Variants in ACHE observed in about 807,000 individuals in gnomAD.
ACHE encodes acetylcholinesterase.
A neutral mutation model predicts 53.9 loss-of-function variants in ACHE; 19 were observed. That is an observed-to-expected ratio of 0.35 (90% confidence interval 0.25 to 0.52). The LOEUF (loss-of-function observed/expected upper bound fraction) is 0.52, where lower values mean the gene tolerates loss of function less well. Ranked by LOEUF, ACHE falls within the 20% of genes least tolerant of loss-of-function variation. ACHE has a pLI of 0.95. For synonymous variants in ACHE, 392 were observed against 378.1 expected, an observed-to-expected ratio of 1.04 and a Z score of -0.43; for missense variants, 605 against 849.4, an observed-to-expected ratio of 0.71 and a Z score of 3.58.
At chr7:100,896,843 C>G (rs1322833509), upstream of ACHE, 6 of 196,998 alleles carry the variant, frequency 3.0e-5, no homozygotes, top group Admixed American at 1.2e-4. Context: ...AGGAGTTCAC[C>G]CGTGTGGACA....
chr7:100,893,103 G>C (rs1038640101), intron 2 of ACHE, 62 bp downstream of exon 2: 7 of 1,525,890 alleles, frequency 4.6e-6, no homozygotes, highest in Middle Eastern at 1.7e-4. Flanking sequence ...GGTCCCTGCA[G>C]GGAGGGGAGG....
chr7:100,893,456 C>T lies in ACHE; in HGVS notation c.777G>A (p.Gln259=). Residue 259 remains glutamine (Q), a synonymous_variant, in exon 2 of 5, where the codon CAG becomes CAA. Coordinates refer to ENST00000241069, the MANE Select transcript of ACHE (RefSeq NM_000665.5). ...CCCAGGGTCCATTGGGGGCACCGCT[C>T]TGCAGCACGGCCCTGTGGAACAGGC... ...SRGLFHRAVL[Q]SGAPNGPWAT... is the part of the protein sequence containing the mutation. The T allele has an allele frequency of 6.2e-7, 1 of 1,607,998 alleles. No homozygotes were observed. Among genetic ancestry groups the T allele is most frequent in the Non-Finnish European group, 8.5e-7 (1 of 1,179,538 alleles).
In ACHE at chr7:100,890,062, C is replaced by T; in HGVS notation, c.*152G>A. 3 of 910,964 alleles carry T rather than the reference C, an allele frequency of 3.3e-6. No homozygotes were observed. The highest frequency in any genetic ancestry group is 4.8e-6 in the Non-Finnish European group (3 of 618,820). 56.4% of individuals were successfully genotyped at this position (910,964 alleles called of 1,614,324 possible). ...GCGGGGGAGGGAGCTCAGCCTGAGA[C>T]ATGCAGAGGACCGGGAGCCCCGGGG... On this transcript the variant is annotated 3_prime_UTR_variant, in exon 5 of 5. Coordinates refer to ENST00000241069, the MANE Select transcript of ACHE (RefSeq NM_000665.5).
intron 4 of ACHE, 169 bp downstream of exon 4, chr7:100,891,000 G>T: frequency 1.4e-6 from 2 of 1,459,850 alleles, no homozygotes; most frequent in South Asian, 2.9e-5. Context: ...GGAGAAGCTG[G>T]TGGAGGAGGA....
rs1328972921 is a variant in ACHE, at chr7:100,892,244, G to A, written c.1553+90C>T. ...GTTCTATCCTGCCCCTGTCCCACCC[G>A]TCCTTTCTGTCTCCGTGTGTCTGCC... On this transcript the variant is annotated intron_variant, in intron 3 of 4. Coordinates refer to ENST00000241069, the MANE Select transcript of ACHE (RefSeq NM_000665.5). The surrounding 1 kb of genome is among the most constrained non-coding windows in gnomAD (Gnocchi z 5.2). 1.8e-5 allele frequency: 25 copies of A among 1,419,920 alleles called. No individual in the cohort carries two copies. Among genetic ancestry groups the A allele is most frequent in the East Asian group, 2.4e-5 (1 of 40,852 alleles). The allele number at this position is 1,419,920 out of a possible 1,614,324, so 88.0% of individuals were successfully genotyped here.
In ACHE at chr7:100,893,637, G is replaced by A. The variant is rs1790833173; in HGVS notation, c.596C>T (p.Pro199Leu). 6.2e-7 allele frequency: 1 copy of A among 1,613,022 alleles called. No homozygotes were observed. Among genetic ancestry groups the A allele is most frequent in the Non-Finnish European group, 8.5e-7 (1 of 1,180,014 alleles). The change falls in exon 2 of 5, where the codon CCG (proline) becomes CTG (leucine). Residue 199 changes from proline to leucine, a missense_variant. Pro to Leu is a moderately conservative substitution (Grantham distance 98, BLOSUM62 -3). Transcript: ENST00000241069. ...FLALPGSREA[P>L]GNVGLLDQRL... ...CTGATCCAGGAGACCCACATTGCCC[G>A]GGGCCTCTCGGCTCCCCGGCAGGGC...
chr7:100,893,024 T>C (rs1227471617), intron 2 of ACHE, 141 bp downstream of exon 2: 1 of 1,199,204 alleles, frequency 8.3e-7, no homozygotes, highest in Admixed American at 2.4e-5. Flanking sequence ...CTGACCACCC[T>C]GGGATCTGAG....
chr7:100,894,403 GGAGACAGGCA>G (rs1193253501), intron 1 of ACHE, 151 bp from the exon 2 acceptor site: 9 of 481,536 alleles, frequency 1.9e-5, no homozygotes, highest in Non-Finnish European at 3.2e-5. Flanking sequence ...AGGGAGGGAA[GGAGACAGGCA>G]GAGACAAGGA....
intron 3 of ACHE, 29 bp from the exon 4 acceptor site, chr7:100,891,367 G>T (rs375100557): frequency 4.7e-6 from 7 of 1,501,422 alleles, no homozygotes; most frequent in African/African-American, 1.4e-5. Context: ...GCTCAGTCCA[G>T]ACGGGCAGTG....
At position 100,890,907 on chromosome 7, in the gene ACHE, G is replaced by A. The variant is rs770483500; in HGVS notation, c.1723+262C>T. On this transcript the variant is annotated intron_variant, in intron 4 of 4. Coordinates refer to ENST00000241069, the MANE Select transcript of ACHE (RefSeq NM_000665.5). ...TGAGTGGGGCCCTTCCCCACGGTCC[G>A]ACCACTCATTAGAGGAGGGGCCCCT... 90 of 1,471,988 alleles carry A rather than the reference G, an allele frequency of 6.1e-5. 1 individual carries two copies. Among genetic ancestry groups the A allele is most frequent in the Non-Finnish European group, 7.7e-5 (86 of 1,113,820 alleles). The allele number at this position is 1,471,988 out of a possible 1,614,324, so 91.2% of individuals were successfully genotyped here. A position where few individuals can be genotyped will look rare whatever the true frequency, so the allele number is the denominator to read the frequency against.
At chr7:100,890,921 G>T in intron 4 of ACHE, 1 of 1,475,906 alleles carries the variant, frequency 6.8e-7, no homozygotes, top group Non-Finnish European at 9.0e-7. Context: ...ACTCATTAGA[G>T]GAGGGGCCCC....
At position 100,892,923 on chromosome 7, in the gene ACHE, AC is replaced by A; in HGVS notation, c.1069-106del. 1 of 1,386,726 alleles carries A rather than the reference AC, an allele frequency of 7.2e-7. No homozygotes were observed. The highest frequency in any genetic ancestry group is 9.6e-7 in the Non-Finnish European group (1 of 1,044,830). The allele number at this position is 1,386,726 out of a possible 1,614,324, so 85.9% of individuals were successfully genotyped here. ...GAGCCAGAGAGATGAACAGTTACAG[AC>A]CCGGAACCATGGACAGAGAGAGGAC... On this transcript the variant is annotated intron_variant, in intron 2 of 4. Transcript: ENST00000241069. This position sits in a 1 kb window ranked among gnomAD's most constrained non-coding sequence, Gnocchi z 5.2.
chr7:100,893,378 A>G lies in ACHE; in HGVS notation c.855T>C (p.Leu285=). 1 of 1,613,372 alleles carries G rather than the reference A, an allele frequency of 6.2e-7. No individual in the cohort carries two copies. Among genetic ancestry groups the G allele is most frequent in the Non-Finnish European group, 8.5e-7 (1 of 1,179,968 alleles). The change falls in exon 2 of 5, where the codon CTT becomes CTC. Residue 285 remains leucine (L), a synonymous_variant. Coordinates refer to ENST00000241069, the MANE Select transcript of ACHE (RefSeq NM_000665.5). The part of the protein sequence containing the change: ...ARRRATQLAH[L]VGCPPGGTGG... Reference sequence around the variant, plus strand: ...CAGTGCCGCCTGGAGGACAGCCCACAAGGTGGGCCAGCTGCGTGGCCCTGC... The same window carrying G: ...CAGTGCCGCCTGGAGGACAGCCCACGAGGTGGGCCAGCTGCGTGGCCCTGC...
At position 100,892,116 on chromosome 7, in the gene ACHE, A is replaced by C. The variant is rs1584772690; in HGVS notation, c.1553+218T>G. Reference sequence around the variant, plus strand: ...TCCATGTCTACCTCGTCTCCTCCTCACTTTCCTTTGCCTCTGTCTCTGCAA... The same window carrying C: ...TCCATGTCTACCTCGTCTCCTCCTCCCTTTCCTTTGCCTCTGTCTCTGCAA... On this transcript the variant is annotated intron_variant, in intron 3 of 4. Coordinates refer to ENST00000241069, the MANE Select transcript of ACHE (RefSeq NM_000665.5). This position sits in a 1 kb window ranked among gnomAD's most constrained non-coding sequence, Gnocchi z 5.2. Among the ~76,000 whole-genome samples, 2 of 147,960 alleles carry C rather than the reference A, an allele frequency of 1.4e-5. No individual in the cohort carries two copies. Among genetic ancestry groups the C allele is most frequent in the Non-Finnish European group, 3.0e-5 (2 of 66,896 alleles).
intron 2 of ACHE, 90 bp downstream of exon 2, chr7:100,893,075 G>A (rs940613485): frequency 1.4e-6 from 2 of 1,408,410 alleles, no homozygotes; most frequent in Non-Finnish European, 2.0e-6. Flanking sequence ...AATGGGCCTG[G>A]AGAAGCCCTC....
Position 100,894,075 on chromosome 7 carries a change from A to C in ACHE, c.158T>G (p.Leu53Arg), listed in dbSNP as rs747647567. ...AGAGACAGGGCCCCCGGGGGTCTTC[A>C]GGCGAATGCCCCGCAGCCGGCCCCC... is the stretch of plus-strand genomic sequence containing the variant. ...VRGGRLRGIR[L>R]KTPGGPVSAF... Residue 53 changes from leucine to arginine, a missense_variant, in exon 2 of 5, where the codon CTG becomes CGG. Physicochemically the swap from Leu to Arg is moderately radical, Grantham distance 102. Around this residue, in one of 4 missense-constraint regions of ACHE, gnomAD observed 89 missense variants for 78.9 expected, o/e 1.13. Transcript: ENST00000241069. 2.6e-6 allele frequency: 4 copies of C among 1,550,072 alleles called. No individual in the cohort carries two copies. In the African/African-American group the frequency reaches 5.5e-5, roughly 21 times the overall value.
Position 100,890,229 on chromosome 7 carries a change from G to C in ACHE, c.1830C>G (p.Arg610=). The part of the protein sequence containing the change: ...NQFDHYSKQD[R]CSDL ...CCCGCCGGGGTCACAGGTCTGAGCA[G>C]CGATCCTGCTTGCTGTAGTGGTCGA... The change falls in exon 5 of 5, where the codon CGC becomes CGG. Residue 610 remains arginine (R), a synonymous_variant. Coordinates refer to ENST00000241069, the MANE Select transcript of ACHE (RefSeq NM_000665.5). 2 of 1,614,044 alleles carry C rather than the reference G, an allele frequency of 1.2e-6. No individual in the cohort carries two copies. The highest frequency in any genetic ancestry group is 1.7e-6 in the Non-Finnish European group (2 of 1,179,902).
chr7:100,894,078 C>G lies in ACHE; in HGVS notation c.155G>C (p.Arg52Pro). The G allele has an allele frequency of 1.9e-6, 3 of 1,544,526 alleles. No homozygotes were observed. The highest frequency in any genetic ancestry group is 2.6e-6 in the Non-Finnish European group (3 of 1,146,386). The change falls in exon 2 of 5, where the codon CGC (arginine) becomes CCC (proline). Residue 52 changes from arginine to proline, a missense_variant. Transcript: ENST00000241069. ...GACAGGGCCCCCGGGGGTCTTCAGG[C>G]GAATGCCCCGCAGCCGGCCCCCACG... ...TVRGGRLRGIRLKTPGGPVSA... is the reference protein window; with the variant it reads ...TVRGGRLRGIPLKTPGGPVSA...
Position 100,893,691 on chromosome 7 carries a change from T to C in ACHE, c.542A>G (p.Asn181Ser). ...QAERTVLVSM[N>S]YRVGAFGFLA... ...GAAGCCAAAGGCTCCCACCCGGTAG[T>C]TCATGGACACCAGCACAGTCCTCTC... Residue 181 changes from asparagine (N) to serine (S), a missense_variant, in exon 2 of 5, where the codon AAC becomes AGC. Transcript: ENST00000241069. 1 of 1,613,380 alleles carries C rather than the reference T, an allele frequency of 6.2e-7. No individual in the cohort carries two copies. The highest frequency in any genetic ancestry group is 2.2e-5 in the East Asian group (1 of 44,870).
Sources: allele counts gnomAD v4.1 joint callset (sites outside exome capture counted in the v4.1 genomes callset), GRCh38; gene constraint gnomAD v4.1.1; regional missense constraint gnomAD v4.1.1; non-coding constraint Gnocchi (gnomAD v3.1); transcripts MANE v1.5; gene names NCBI Gene and HGNC (gene_info 2026-07-23, HGNC 2026-07-21).